The following AGMO variants were observed in gnomAD, a reference collection of about 807,000 sequenced individuals.
The protein encoded by AGMO is alkylglycerol monooxygenase.
In AGMO, 75 loss-of-function variants were observed where a neutral mutation model predicts 60.2. The ratio of observed to expected loss-of-function variants is 1.25; its 90% CI spans 1.03 to 1.51. The LOEUF (loss-of-function observed/expected upper bound fraction) is 1.51, where lower values mean the gene tolerates loss of function less well. Among genes scored for constraint, AGMO ranks in the 40% most tolerant of loss-of-function variants. The pLI is 0.00. For synonymous variants in AGMO, 261 were observed against 177.1 expected, an observed-to-expected ratio of 1.47 and a Z score of -3.76; for missense variants, 763 against 525.5, an observed-to-expected ratio of 1.45 and a Z score of -4.42.
At chr7:15,556,219 GT>G (rs71004394) in intron 2 of AGMO, among the ~76,000 whole-genome samples, 45,597 of 91,792 alleles carry the variant, frequency 0.5, 9,208 homozygotes, top group East Asian at 0.66. Context: ...CTCCTTTTTA[GT>G]TTTTTTTTTT....
At chr7:15,352,983 G>T (rs1160574648) in intron 12 of AGMO, among the ~76,000 whole-genome samples, 1 of 152,056 alleles carries the variant, frequency 6.6e-6, no homozygotes, top group African/African-American at 2.4e-5. Flanking sequence ...GGGAGTGTCG[G>T]ATGCGCAGGT....
intron 3 of AGMO, among the ~76,000 whole-genome samples, chr7:15,448,777 T>A (rs1383595246): frequency 1.3e-5 from 2 of 152,182 alleles, no homozygotes; most frequent in Non-Finnish European, 2.9e-5. Context: ...TGCAGTCAGC[T>A]GTGAGGAGAG....
intron 3 of AGMO, among the ~76,000 whole-genome samples, chr7:15,487,064 A>G (rs1384639411): frequency 6.6e-6 from 1 of 152,232 alleles, no homozygotes; most frequent in African/African-American, 2.4e-5. Flanking sequence ...GAATTAGTAA[A>G]AAGACATTAA....
chr7:15,434,368 T>C (rs1015348740), intron 3 of AGMO, among the ~76,000 whole-genome samples: 5 of 152,156 alleles, frequency 3.3e-5, no homozygotes, highest in Admixed American at 1.3e-4. Context: ...CCAGATTTAG[T>C]GACTTTCTTC....
At chr7:15,515,419 T>C (rs1353236728) in intron 3 of AGMO, among the ~76,000 whole-genome samples, 1 of 152,208 alleles carries the variant, frequency 6.6e-6, no homozygotes, top group Admixed American at 6.5e-5. Context: ...TTCAGCTGTG[T>C]ATTGGAGCTC....
At chr7:15,370,259 C>G (rs1299832016) in intron 10 of AGMO, among the ~76,000 whole-genome samples, 2 of 152,174 alleles carry the variant, frequency 1.3e-5, no homozygotes, top group Admixed American at 1.3e-4. Context: ...CATAGTAATC[C>G]ATGGTATATA....
At chr7:15,137,508 T>G in the AGMO span, among the ~76,000 whole-genome samples, 1 of 152,332 alleles carries the variant, frequency 6.6e-6, no homozygotes, top group Non-Finnish European at 1.5e-5. Flanking sequence ...GGGAAAGTTT[T>G]AGGGGAAGGA....
intron 3 of AGMO, among the ~76,000 whole-genome samples, chr7:15,503,609 A>G (rs1054083595): frequency 3.9e-5 from 6 of 152,092 alleles, no homozygotes; most frequent in Non-Finnish European, 8.8e-5. Context: ...TATGAGCTGC[A>G]GAAGAAATAA....
chr7:15,382,066 C>A (rs1001416964), intron 10 of AGMO, among the ~76,000 whole-genome samples: 1 of 152,006 alleles, frequency 6.6e-6, no homozygotes, highest in Admixed American at 6.6e-5. Context: ...CTATTGGGTA[C>A]TAGGCTTAAT....
At chr7:15,158,155 T>G in the AGMO span, among the ~76,000 whole-genome samples, 1 of 152,160 alleles carries the variant, frequency 6.6e-6, no homozygotes, top group Non-Finnish European at 1.5e-5. Context: ...TTTTTTTAGA[T>G]CCCTAAAAGT....
intron 12 of AGMO, among the ~76,000 whole-genome samples, chr7:15,257,385 G>T (rs938027811): frequency 6.6e-6 from 1 of 151,838 alleles, no homozygotes; most frequent in Admixed American, 6.6e-5. Flanking sequence ...TAAAATTTTG[G>T]ATTACTTTAT....
intron 12 of AGMO, among the ~76,000 whole-genome samples, chr7:15,334,326 A>T (rs558846491): frequency 5.5e-5 from 8 of 146,278 alleles, no homozygotes; most frequent in Non-Finnish European, 7.6e-5. Flanking sequence ...TTTTTTTTTT[A>T]AATATGCATC....
intron 3 of AGMO, among the ~76,000 whole-genome samples, chr7:15,518,112 T>C (rs1783872308): frequency 6.6e-6 from 1 of 152,130 alleles, no homozygotes. Flanking sequence ...ACTGCCTCTC[T>C]AGATTCCTCC....
intron 12 of AGMO, among the ~76,000 whole-genome samples, chr7:15,317,722 G>A (rs1583400006): frequency 6.6e-6 from 1 of 151,740 alleles, no homozygotes; most frequent in African/African-American, 2.4e-5. Flanking sequence ...TAATTCAAGT[G>A]TCTGTTATAA....
the AGMO span, among the ~76,000 whole-genome samples, chr7:15,164,506 T>A: frequency 6.6e-6 from 1 of 151,998 alleles, no homozygotes; most frequent in Non-Finnish European, 1.5e-5. Context: ...ATATTCAGAA[T>A]CTATAAATAA....
chr7:15,330,429 G>A (rs556931070), intron 12 of AGMO, among the ~76,000 whole-genome samples: 21 of 152,208 alleles, frequency 1.4e-4, no homozygotes, highest in Admixed American at 3.3e-4. Flanking sequence ...TAATTTCACT[G>A]TCAAAAACAG....
chr7:15,519,238 A>C (rs891796231), intron 3 of AGMO, among the ~76,000 whole-genome samples: 1 of 152,074 alleles, frequency 6.6e-6, no homozygotes, highest in Admixed American at 6.6e-5. Flanking sequence ...ACACTTCAGG[A>C]TATTATCCAG....
At chr7:15,293,681 GAAT>G (rs898173851) in intron 12 of AGMO, among the ~76,000 whole-genome samples, 1 of 152,168 alleles carries the variant, frequency 6.6e-6, no homozygotes, top group Admixed American at 6.5e-5. Flanking sequence ...TTTGATAAGT[GAAT>G]AATAATAATG....
the AGMO span, among the ~76,000 whole-genome samples, chr7:15,171,055 A>G: frequency 6.6e-6 from 1 of 151,866 alleles, no homozygotes; most frequent in Non-Finnish European, 1.5e-5. Context: ...AGCTCACTGA[A>G]AGCTCCGTCT....
Sources: gnomAD v4.1 joint callset for allele counts (sites outside exome capture counted in the v4.1 genomes callset) on GRCh38, gnomAD v4.1.1 for gene constraint, MANE v1.5 for transcripts, NCBI Gene and HGNC (gene_info 2026-07-23, HGNC 2026-07-21) for gene names.